The following GSE1 variants were observed in gnomAD, a reference collection of about 807,000 sequenced individuals.
GSE1 encodes the protein genetic suppressor element 1.
GSE1 carries 32 observed loss-of-function variants against 112.6 expected under a neutral mutation model. The observed-to-expected ratio is 0.28, with a 90% confidence interval of 0.21 to 0.38. The LOEUF (loss-of-function observed/expected upper bound fraction) is 0.38. Ranked by LOEUF, GSE1 falls within the 10% of genes least tolerant of loss-of-function variation. The pLI is 1.00. For missense variants in GSE1, 2,348 were observed against 1,699.2 expected (o/e 1.38, Z -6.71); for synonymous variants, 1,115 against 735.6 (o/e 1.52, Z -8.35).
chr16:85,282,464 CAT>C (rs1376331765), intron 1 of GSE1, among the ~76,000 whole-genome samples: 1 of 152,176 alleles, frequency 6.6e-6, no homozygotes, highest in African/African-American at 2.4e-5. Flanking sequence ...TCAGAGTTCT[CAT>C]GTGTGTTTTG....
At chr16:85,391,087 G>A (rs940185293) in intron 2 of GSE1, among the ~76,000 whole-genome samples, 44 of 150,900 alleles carry the variant, frequency 2.9e-4, no homozygotes, top group Admixed American at 5.9e-4. Context: ...CCCAGGCACC[G>A]CCCCCCCACC....
At chr16:85,480,091 C>T (rs1266253230) in intron 2 of GSE1, among the ~76,000 whole-genome samples, 1 of 152,324 alleles carries the variant, frequency 6.6e-6, no homozygotes, top group East Asian at 1.9e-4. Flanking sequence ...CTGACTCTCA[C>T]AACATCCTCA....
chr16:85,391,402 A>G (rs760902526), intron 2 of GSE1, among the ~76,000 whole-genome samples: 1 of 152,058 alleles, frequency 6.6e-6, no homozygotes, highest in Non-Finnish European at 1.5e-5. Context: ...GAGCTGAAAG[A>G]TTTCTTCTCC....
At chr16:85,446,868 TC>T (rs2049529318) in intron 2 of GSE1, among the ~76,000 whole-genome samples, 1 of 152,040 alleles carries the variant, frequency 6.6e-6, no homozygotes, top group South Asian at 2.1e-4. Context: ...GCAACCCCGC[TC>T]CCGCTGTCCC....
chr16:85,593,366 C>T (rs530965451), intron 1 of GSE1: 1 of 152,404 alleles, frequency 6.6e-6, no homozygotes, highest in African/African-American at 2.4e-5. Flanking sequence ...GAGTGCCTCC[C>T]CTCCAGGGCC....
At chr16:85,356,048 A>G (rs2046945025) in intron 1 of GSE1, among the ~76,000 whole-genome samples, 1 of 152,142 alleles carries the variant, frequency 6.6e-6, no homozygotes, top group Non-Finnish European at 1.5e-5. Context: ...AAAAATAAAG[A>G]TTACAAAAAA....
At chr16:85,504,516 C>T (rs1032625697) in intron 2 of GSE1, among the ~76,000 whole-genome samples, 9 of 152,132 alleles carry the variant, frequency 5.9e-5, no homozygotes, top group South Asian at 2.1e-4. Flanking sequence ...AGGTAGCATA[C>T]GGTTAGTGTG....
intron 1 of GSE1, among the ~76,000 whole-genome samples, chr16:85,268,089 C>G (rs954503818): frequency 1.3e-5 from 2 of 152,114 alleles, no homozygotes; most frequent in African/African-American, 4.8e-5. Context: ...GTTCACTATG[C>G]CCACTGCTGA....
intron 1 of GSE1, among the ~76,000 whole-genome samples, chr16:85,349,840 A>T (rs1187460003): frequency 6.6e-6 from 1 of 152,156 alleles, no homozygotes; most frequent in South Asian, 2.1e-4. Context: ...CCTCTCTGCC[A>T]TTCACCAGCA....
Position 85,599,419 on chromosome 16 carries a change from C to T in GSE1, c.37+43056C>T, listed in dbSNP as rs529187166. On this transcript the variant is annotated intron_variant, in intron 1 of 2. Coordinates refer to the GSE1 transcript ENST00000635906. Reference sequence around the variant, plus strand: ...GTGGACAATACTGATTCCTGGGCTCCGCCCTGGACCTGCCCCCAATCTGGA... The same window carrying T: ...GTGGACAATACTGATTCCTGGGCTCTGCCCTGGACCTGCCCCCAATCTGGA... 1.1e-4 allele frequency among the ~76,000 whole-genome samples: 16 copies of T among 152,364 alleles called. No homozygotes were observed. The East Asian group carries it at 1.4e-3, about 13-fold the overall frequency.
intron 1 of GSE1, among the ~76,000 whole-genome samples, chr16:85,302,876 G>A (rs2045566012): frequency 1.3e-5 from 2 of 152,204 alleles, no homozygotes; most frequent in Non-Finnish European, 2.9e-5. Context: ...TGATGCAGCC[G>A]AAGCGCATTC....
intron 2 of GSE1, among the ~76,000 whole-genome samples, chr16:85,439,294 C>T (rs114370286): frequency 1.3e-5 from 2 of 152,370 alleles, no homozygotes; most frequent in Non-Finnish European, 2.9e-5. Flanking sequence ...GTGGCCTGCC[C>T]CATGACCCAG....
At chr16:85,534,523 C>T (rs1371208430) in intron 2 of GSE1, among the ~76,000 whole-genome samples, 2 of 152,194 alleles carry the variant, frequency 1.3e-5, no homozygotes, top group Non-Finnish European at 2.9e-5. Context: ...GCAGCATCCT[C>T]AGAGTCCCTC....
At chr16:85,229,819 G>A (rs1000731034) in intron 1 of GSE1, among the ~76,000 whole-genome samples, 1 of 152,204 alleles carries the variant, frequency 6.6e-6, no homozygotes, top group South Asian at 2.1e-4. Context: ...TCATGGTTGC[G>A]AGATAGCTGC....
chr16:85,669,403 C>CT (rs1469163429), intron 14 of GSE1, among the ~76,000 whole-genome samples: 6 of 151,664 alleles, frequency 4.0e-5, no homozygotes, highest in African/African-American at 1.5e-4. Flanking sequence ...TAGTTTTTTT[C>CT]TTTTTTCTCC....
intron 2 of GSE1, among the ~76,000 whole-genome samples, chr16:85,496,628 G>A (rs1470690924): frequency 1.3e-5 from 2 of 152,262 alleles, no homozygotes; most frequent in African/African-American, 4.8e-5. Context: ...TGACTTGTTT[G>A]CAGGGAGCTG....
At chr16:85,415,687 C>T (rs2048688311) in intron 2 of GSE1, among the ~76,000 whole-genome samples, 1 of 152,262 alleles carries the variant, frequency 6.6e-6, no homozygotes, top group African/African-American at 2.4e-5. Context: ...CACAGCAGAG[C>T]TGCGAGGGTG....
chr16:85,512,929 C>T (rs888439940), intron 2 of GSE1, among the ~76,000 whole-genome samples: 3 of 152,064 alleles, frequency 2.0e-5, no homozygotes, highest in Non-Finnish European at 2.9e-5. Context: ...GAAGGGCTAG[C>T]TACAACCATG....
intron 1 of GSE1, among the ~76,000 whole-genome samples, chr16:85,574,362 T>A (rs964933225): frequency 1.3e-5 from 2 of 152,208 alleles, no homozygotes; most frequent in Non-Finnish European, 2.9e-5. Context: ...ACACAGCCAG[T>A]TAGAGGCCAA....
Sources: allele counts gnomAD v4.1 joint callset (sites outside exome capture counted in the v4.1 genomes callset), GRCh38; gene constraint gnomAD v4.1.1; transcripts MANE v1.5; gene names NCBI Gene and HGNC (gene_info 2026-07-23, HGNC 2026-07-21).